TMC7: variants seen among roughly 807,000 people sequenced by gnomAD.
TMC7 encodes the protein transmembrane channel-like protein 7.
TMC7 carries 54 observed loss-of-function variants against 82.9 expected under a neutral mutation model. The observed-to-expected ratio is 0.65, with a 90% confidence interval of 0.52 to 0.82. The LOEUF (loss-of-function observed/expected upper bound fraction) is 0.82, where lower values mean the gene tolerates loss of function less well. Ranked by LOEUF, TMC7 falls within the 40% of genes least tolerant of loss-of-function variation. The probability of loss-of-function intolerance (pLI) is 0.00; values close to 1 mark genes in which losing one functional copy is unlikely to be tolerated. For synonymous variants in TMC7, 350 were observed against 337.9 expected, an observed-to-expected ratio of 1.04 and a Z score of -0.39; for missense variants, 820 against 901.2, an observed-to-expected ratio of 0.91 and a Z score of 1.15.
chr16:18,987,546 T>C (rs549663489), intron 1 of TMC7, among the ~76,000 whole-genome samples: 130 of 152,156 alleles, frequency 8.5e-4, no homozygotes, highest in African/African-American at 2.8e-3. Context: ...CATCAAGTGA[T>C]CCGCCCACCT....
intron 12 of TMC7, among the ~76,000 whole-genome samples, chr16:19,050,046 G>A (rs1023780113): frequency 2.0e-5 from 3 of 152,046 alleles, no homozygotes; most frequent in African/African-American, 7.2e-5. Context: ...AGTTATACAT[G>A]TTTAAATCCC....
rs559500851 is a variant in TMC7, at chr16:19,062,826, G to T, written c.*983G>T. ...TTTCAAAGGACTGTAGTTTTGTAATGGACTTTTCAAGCCTTCCTTCCATTG... is the reference window on the plus strand; with the variant it reads ...TTTCAAAGGACTGTAGTTTTGTAATTGACTTTTCAAGCCTTCCTTCCATTG... On this transcript the variant is annotated 3_prime_UTR_variant, in exon 16 of 16. Transcript: ENST00000304381. The T allele has an allele frequency of 6.6e-6, 1 of 152,610 alleles. No homozygotes were observed. The highest frequency in any genetic ancestry group is 2.4e-5 in the African/African-American group (1 of 41,524). 9.5% of individuals were successfully genotyped at this position (152,610 alleles called of 1,614,324 possible).
intron 5 of TMC7, among the ~76,000 whole-genome samples, chr16:19,027,542 A>G (rs914652842): frequency 1.3e-5 from 2 of 152,158 alleles, no homozygotes; most frequent in African/African-American, 2.4e-5. Flanking sequence ...TCATTATCAA[A>G]TCAGAAAATA....
chr16:18,996,132 CAGAT>C (rs2039040372), intron 1 of TMC7, among the ~76,000 whole-genome samples: 2 of 151,974 alleles, frequency 1.3e-5, no homozygotes, highest in Non-Finnish European at 1.5e-5. Flanking sequence ...GGGGAGGTGA[CAGAT>C]AGATCCTAGG....
At chr16:19,021,604 T>C (rs1443017428) in intron 3 of TMC7, 25 bp from the exon 4 acceptor site, 7 of 1,613,008 alleles carry the variant, frequency 4.3e-6, no homozygotes, top group Non-Finnish European at 3.4e-6. Context: ...CCCTGGTCAG[T>C]GATGTCCGGG....
At chr16:19,046,280 C>A (rs1334652452) in intron 11 of TMC7, among the ~76,000 whole-genome samples, 2 of 152,180 alleles carry the variant, frequency 1.3e-5, no homozygotes, top group African/African-American at 4.8e-5. Context: ...AGCTCTGTGC[C>A]TATTTTCTCA....
chr16:19,020,607 C>T (rs917626104), intron 3 of TMC7, among the ~76,000 whole-genome samples: 1 of 152,152 alleles, frequency 6.6e-6, no homozygotes, highest in African/African-American at 2.4e-5. Flanking sequence ...GTGGCTCACG[C>T]CTATAATCCC....
At chr16:19,043,559 G>A (rs1346359930) in intron 9 of TMC7, among the ~76,000 whole-genome samples, 2 of 140,134 alleles carry the variant, frequency 1.4e-5, no homozygotes, top group Non-Finnish European at 3.1e-5. Context: ...TTAGGCATTT[G>A]CTTATTATTT....
intron 1 of TMC7, among the ~76,000 whole-genome samples, chr16:19,003,644 G>C (rs1243441909): frequency 2.2e-5 from 3 of 138,526 alleles, no homozygotes; most frequent in Non-Finnish European, 4.7e-5. Context: ...TGTCTGTGTA[G>C]AAAGTAGAAG....
intron 1 of TMC7, among the ~76,000 whole-genome samples, chr16:19,008,403 A>C (rs1453721409): frequency 6.6e-6 from 1 of 152,192 alleles, no homozygotes; most frequent in Non-Finnish European, 1.5e-5. Context: ...CAAATTAGGA[A>C]TGTCATTCAT....
In TMC7 at chr16:19,027,326, G is replaced by A. The variant is rs1050719118; in HGVS notation, c.712-2898G>A. ...AAGTGATCTGCCTGCCTCAGCCTCCGAAAGTGCTGGGATTACAGGTGTGAG... is the reference window on the plus strand; with the variant it reads ...AAGTGATCTGCCTGCCTCAGCCTCCAAAAGTGCTGGGATTACAGGTGTGAG... On this transcript the variant is annotated intron_variant, in intron 5 of 15. Transcript: ENST00000304381. Among the ~76,000 whole-genome samples the A allele has an allele frequency of 5.9e-5, 9 of 151,752 alleles. No homozygotes were observed. In the East Asian group the frequency reaches 9.7e-4, roughly 16 times the overall value.
chr16:19,024,803 G>A (rs1418826491), intron 5 of TMC7, among the ~76,000 whole-genome samples: 2 of 152,106 alleles, frequency 1.3e-5, no homozygotes, highest in East Asian at 1.9e-4. Flanking sequence ...TCAGAAGATC[G>A]AGACCATCCT....
chr16:19,041,606 A>T (rs1961017971), intron 9 of TMC7, among the ~76,000 whole-genome samples: 1 of 152,102 alleles, frequency 6.6e-6, no homozygotes, highest in African/African-American at 2.4e-5. Flanking sequence ...TCCTGACCTC[A>T]GATGATCCAC....
intron 1 of TMC7, among the ~76,000 whole-genome samples, chr16:19,004,629 T>C (rs1271752431): frequency 6.6e-6 from 1 of 152,170 alleles, no homozygotes; most frequent in Non-Finnish European, 1.5e-5. Context: ...CCTCCCAAAG[T>C]GCTGGGATTA....
intron 14 of TMC7, among the ~76,000 whole-genome samples, chr16:19,057,911 A>G (rs1378186606): frequency 2.0e-5 from 3 of 150,220 alleles, no homozygotes; most frequent in Non-Finnish European, 3.0e-5. Context: ...CCCATTTCAG[A>G]TCTAGAGCTG....
At chr16:18,990,039 C>G (rs946408523) in intron 1 of TMC7, among the ~76,000 whole-genome samples, 3 of 151,618 alleles carry the variant, frequency 2.0e-5, no homozygotes, top group South Asian at 4.2e-4. Flanking sequence ...TTGGGATAGG[C>G]GGTGAAGTTA....
At chr16:19,017,790 C>T (rs1183648327) in intron 3 of TMC7, among the ~76,000 whole-genome samples, 4 of 151,918 alleles carry the variant, frequency 2.6e-5, no homozygotes, top group African/African-American at 7.2e-5. Context: ...CCTGCCTCAG[C>T]CTCCCGAGTA....
intron 2 of TMC7, among the ~76,000 whole-genome samples, chr16:19,010,080 C>CTTTCCTTTCCTTTTTCCTT (rs2039312723): frequency 7.4e-6 from 1 of 134,770 alleles, no homozygotes; most frequent in Non-Finnish European, 1.6e-5. Context: ...CTTTCCTTTC[C>CTTTCCTTTCCTTTTTCCTT]TTTCCTTTCC....
intron 1 of TMC7, among the ~76,000 whole-genome samples, chr16:18,997,759 T>A (rs1305971719): frequency 6.7e-6 from 1 of 149,258 alleles, no homozygotes; most frequent in Non-Finnish European, 1.5e-5. Context: ...AGATGGAGTC[T>A]TGCTCTGTCG....
Sources: allele counts gnomAD v4.1 joint callset (sites outside exome capture counted in the v4.1 genomes callset), GRCh38; gene constraint gnomAD v4.1.1; transcripts MANE v1.5; gene names NCBI Gene and HGNC (gene_info 2026-07-23, HGNC 2026-07-21).